Variants in CNGB1 observed in about 807,000 individuals in gnomAD.
The protein encoded by CNGB1 is cyclic nucleotide gated channel subunit beta 1, also known as cyclic nucleotide-gated channel beta-1.
Under a neutral mutation model 151.7 loss-of-function variants are expected in CNGB1, and 126 were observed. The observed-to-expected ratio is 0.83, with a 90% CI of 0.72 to 0.96. The LOEUF is 0.96. Ranked by LOEUF, CNGB1 falls within the 40% of genes least tolerant of loss-of-function variation. The probability of loss-of-function intolerance (pLI) is 0.00; values close to 1 mark genes in which losing one functional copy is unlikely to be tolerated. For missense variants in CNGB1, 1,698 were observed against 1,627.0 expected (o/e 1.04, Z -0.75); for synonymous variants, 623 against 635.1 (o/e 0.98, Z 0.29).
intron 32 of CNGB1, 55 bp from the exon 33 acceptor site, chr16:57,884,512 A>AGGGTCTTGGAC: frequency 6.3e-7 from 1 of 1,599,472 alleles, no homozygotes; most frequent in Admixed American, 1.7e-5. Context: ...GGGTCTTGGA[A>AGGGTCTTGGAC]GGGTCTTGGA....
chr16:57,935,897 C>G (rs1203315721), intron 16 of CNGB1, among the ~76,000 whole-genome samples: 1 of 152,066 alleles, frequency 6.6e-6, no homozygotes, highest in African/African-American at 2.4e-5. Flanking sequence ...ACCTCATCTC[C>G]TCTCTGTGCC....
chr16:57,885,354 G>A (rs1485929121), intron 32 of CNGB1, among the ~76,000 whole-genome samples: 1 of 152,016 alleles, frequency 6.6e-6, no homozygotes, highest in African/African-American at 2.4e-5. Flanking sequence ...GAATGGAGAG[G>A]GGGCAGCCAA....
chr16:57,896,724 A>ATAAG (rs1283424925), intron 31 of CNGB1, among the ~76,000 whole-genome samples: 3 of 142,482 alleles, frequency 2.1e-5, no homozygotes, highest in African/African-American at 7.9e-5. Flanking sequence ...AAATAAATAA[A>ATAAG]TAAATAAATA....
intron 14 of CNGB1, among the ~76,000 whole-genome samples, chr16:57,945,902 A>C (rs1961794798): frequency 6.6e-6 from 1 of 152,264 alleles, no homozygotes; most frequent in Non-Finnish European, 1.5e-5. Flanking sequence ...GAAATCACCC[A>C]CGTGGATTGA....
intron 25 of CNGB1, among the ~76,000 whole-genome samples, chr16:57,905,307 T>C (rs1211092316): frequency 6.6e-6 from 1 of 152,244 alleles, no homozygotes; most frequent in Non-Finnish European, 1.5e-5. Context: ...GTTTGGACGA[T>C]ATCTTGAGGA....
intron 23 of CNGB1, among the ~76,000 whole-genome samples, chr16:57,914,010 AAT>A (rs1421498224): frequency 2.6e-5 from 4 of 152,180 alleles, no homozygotes; most frequent in Non-Finnish European, 4.4e-5. Flanking sequence ...GATATTTGAA[AAT>A]AGTATTTATG....
At chr16:57,910,811 C>T (rs1960690506) in intron 25 of CNGB1, among the ~76,000 whole-genome samples, 1 of 151,174 alleles carries the variant, frequency 6.6e-6, no homozygotes, top group Non-Finnish European at 1.5e-5. Flanking sequence ...ATTGATGTAT[C>T]CTGTCCCGCT....
chr16:57,964,099 G>T (rs1344393569), intron 4 of CNGB1, 31 bp downstream of exon 4: 1 of 1,609,008 alleles, frequency 6.2e-7, no homozygotes, highest in Admixed American at 1.7e-5. Flanking sequence ...AGGCGGGCTG[G>T]CCCTGAAGAG....
intron 30 of CNGB1, 117 bp downstream of exon 30, chr16:57,897,679 A>G: frequency 6.6e-7 from 1 of 1,524,286 alleles, no homozygotes; most frequent in Non-Finnish European, 9.1e-7. Flanking sequence ...ATCCCCGCAT[A>G]CATCAGCAGG....
chr16:57,963,029 C>T lies in CNGB1; in HGVS notation c.326G>A (p.Gly109Asp), dbSNP rs759334684. Residue 109 changes from glycine (G) to aspartate (D), a missense_variant, in exon 5 of 33, where the codon GGC becomes GAC. Physicochemically the swap from Gly to Asp is moderately conservative, Grantham distance 94. Transcript: ENST00000251102. ...AGGCTGCGGGATCACCTTCTCTACG[C>T]CCTTCATGAGCCAGGTCAGTACCCT... The part of the protein sequence containing the change: ...SRRVLTWLMK[G>D]VEKVIPQPVH... 15 of 1,613,214 alleles carry T rather than the reference C, an allele frequency of 9.3e-6. No homozygotes were observed. Among genetic ancestry groups the T allele is most frequent in the Non-Finnish European group, 1.2e-5 (14 of 1,179,994 alleles).
intron 18 of CNGB1, among the ~76,000 whole-genome samples, chr16:57,922,467 C>G (rs1185768120): frequency 7.0e-6 from 1 of 143,422 alleles, no homozygotes; most frequent in African/African-American, 2.8e-5. Context: ...TTGCTCTTGT[C>G]ACCCAGGCTG....
At chr16:57,958,605 G>A in intron 10 of CNGB1, 120 bp from the exon 11 acceptor site, 1 of 833,616 alleles carries the variant, frequency 1.2e-6, no homozygotes. Context: ...CCTGCCAGGA[G>A]CCAGAGCCCA....
At position 57,915,323 on chromosome 16, in the gene CNGB1, T is replaced by C. The variant is rs779904580; in HGVS notation, c.2230A>G (p.Ser744Gly). The C allele has an allele frequency of 3.3e-5, 53 of 1,613,870 alleles. No homozygotes were observed. Among genetic ancestry groups the C allele is most frequent in the Non-Finnish European group, 4.2e-5 (50 of 1,179,882 alleles). ...TAGAGAAAATCCAAGGGCAGGAGGC[T>C]GAGCAGGTCCATCTGAAATCCCAGT... ...KSRRFKMDLL[S>G]LLPLDFLYLK... Residue 744 changes from serine to glycine, a missense_variant, in exon 23 of 33, where the codon AGC becomes GGC. Physicochemically the swap from Ser to Gly is moderately conservative, Grantham distance 56. Transcript: ENST00000251102.
intron 1 of CNGB1, among the ~76,000 whole-genome samples, chr16:57,970,427 T>G (rs1962511346): frequency 6.6e-6 from 1 of 152,082 alleles, no homozygotes; most frequent in Non-Finnish European, 1.5e-5. Flanking sequence ...CACAGAAAGG[T>G]CAACAGAATC....
chr16:57,892,046 A>G (rs1034495322), intron 31 of CNGB1, among the ~76,000 whole-genome samples: 1 of 149,194 alleles, frequency 6.7e-6, no homozygotes, highest in Non-Finnish European at 1.5e-5. Flanking sequence ...TAAACAGTGC[A>G]ATCGCCAACA....
intron 25 of CNGB1, among the ~76,000 whole-genome samples, chr16:57,910,188 C>T (rs1204437792): frequency 6.6e-6 from 1 of 152,126 alleles, no homozygotes; most frequent in South Asian, 2.1e-4. Flanking sequence ...ACCCCTCCAG[C>T]GTTAACATCA....
intron 24 of CNGB1, 58 bp from the exon 25 acceptor site, chr16:57,911,933 C>G: frequency 6.2e-7 from 1 of 1,605,010 alleles, no homozygotes; most frequent in Non-Finnish European, 8.5e-7. Flanking sequence ...GAGGTATAGA[C>G]ACCTGGACAG....
intron 14 of CNGB1, among the ~76,000 whole-genome samples, chr16:57,948,029 G>A (rs1421288326): frequency 2.0e-5 from 3 of 152,230 alleles, no homozygotes; most frequent in African/African-American, 7.2e-5. Flanking sequence ...CATGGCCAGA[G>A]GGACAGGTCA....
At chr16:57,885,584 T>G (rs564269046) in intron 32 of CNGB1, among the ~76,000 whole-genome samples, 1 of 92,566 alleles carries the variant, frequency 1.1e-5, no homozygotes. Context: ...CTCTCTTTCT[T>G]TCTTTCTTTC....
Sources: allele counts gnomAD v4.1 joint callset (sites outside exome capture counted in the v4.1 genomes callset), GRCh38; gene constraint gnomAD v4.1.1; transcripts MANE v1.5; gene names NCBI Gene and HGNC (gene_info 2026-07-23, HGNC 2026-07-21).